HOOK2: variants seen among roughly 807,000 people sequenced by gnomAD.
HOOK2 encodes the protein hook microtubule tethering protein 2, also known as protein Hook homolog 2.
A neutral mutation model predicts 111.9 loss-of-function variants in HOOK2; 108 were observed. That is an observed-to-expected ratio of 0.96 (90% CI 0.83 to 1.13). The LOEUF (loss-of-function observed/expected upper bound fraction) is 1.13, where lower values mean the gene tolerates loss of function less well. Among genes scored for constraint, HOOK2 ranks in the 50% most tolerant of loss-of-function variants. The pLI is 0.00. For synonymous variants in HOOK2, 405 were observed against 394.3 expected (o/e 1.03, Z -0.32); for missense variants, 978 against 951.3 (o/e 1.03, Z -0.37).
chr19:12,787,758 T>TA (rs1434428536), intron 3 of HOOK2, among the ~76,000 whole-genome samples: 3 of 151,688 alleles, frequency 2.0e-5, no homozygotes, highest in Non-Finnish European at 4.4e-5. Context: ...AGGTTCTCTT[T>TA]AAAAAAACAA....
At position 12,772,597 on chromosome 19, in the gene HOOK2, G is replaced by A; in HGVS notation, c.456+16C>T. On this transcript the variant is annotated intron_variant, in intron 6 of 22. Transcript: ENST00000397668. ...TCCTGACATTTTCCAATTGCACACT[G>A]AGTGCCCCCACCCACCTCTTGGATG... 4 of 1,613,282 alleles carry A rather than the reference G, an allele frequency of 2.5e-6. No homozygotes were observed. The South Asian group carries it at 3.3e-5, about 13-fold the overall frequency.
chr19:12,763,773 C>A lies in HOOK2; in HGVS notation c.1833G>T (p.Met611Ile). ...GCCGCTGCTTGGGTTCCATGGTCTG[C>A]ATGACCTACAGGTTGAGGAAGTCAT... ...RRYVDKARMV[M>I]QTMEPKQRPA... The change falls in exon 21 of 23, where the codon ATG becomes ATT. Residue 611 changes from methionine (M) to isoleucine (I), a missense_variant. Coordinates refer to ENST00000397668, the MANE Select transcript of HOOK2 (RefSeq NM_013312.3). The A allele has an allele frequency of 6.2e-7, 1 of 1,613,762 alleles. No individual in the cohort carries two copies. The highest frequency in any genetic ancestry group is 8.5e-7 in the Non-Finnish European group (1 of 1,179,684).
At chr19:12,779,635 C>T (rs535998529), upstream of HOOK2, among the ~76,000 whole-genome samples, 1 of 152,260 alleles carries the variant, frequency 6.6e-6, no homozygotes, top group African/African-American at 2.4e-5. Flanking sequence ...GGATTTCAGG[C>T]GTGAGCCACG....
chr19:12,764,597 G>A (rs1968094857), intron 20 of HOOK2: 2 of 577,578 alleles, frequency 3.5e-6, no homozygotes, highest in East Asian at 2.9e-5. Context: ...CAAAGTGCTG[G>A]GATTACAGCC....
chr19:12,776,904 T>C (rs1190274516), upstream of HOOK2, among the ~76,000 whole-genome samples: 1 of 151,264 alleles, frequency 6.6e-6, no homozygotes, highest in Non-Finnish European at 1.5e-5. Flanking sequence ...CACGTCTGTA[T>C]CCCAGCACTT....
At chr19:12,787,743 A>G (rs1968671245) in intron 3 of HOOK2, among the ~76,000 whole-genome samples, 1 of 152,066 alleles carries the variant, frequency 6.6e-6, no homozygotes, top group Non-Finnish European at 1.5e-5. Context: ...TGTTTGGCCA[A>G]AGTGAGGTTC....
chr19:12,777,114 G>A (rs896599499), upstream of HOOK2, among the ~76,000 whole-genome samples: 1 of 151,334 alleles, frequency 6.6e-6, no homozygotes, highest in Admixed American at 6.6e-5. Flanking sequence ...CCGAGATCGC[G>A]CCACTGCACT....
In HOOK2 at chr19:12,767,807, T is replaced by C; in HGVS notation, c.1303+9A>G. The C allele has an allele frequency of 6.2e-7, 1 of 1,600,186 alleles. No individual in the cohort carries two copies. Among genetic ancestry groups the C allele is most frequent in the Non-Finnish European group, 8.5e-7 (1 of 1,179,400 alleles). ...ACAGGTAAGACCCCGGGATGGGGCT[T>C]CATCTCACCGGCCTGGGTCAACCCC... On this transcript the variant is annotated intron_variant, in intron 13 of 22. Transcript: ENST00000397668.
rs747882776 is a variant in HOOK2, at chr19:12,774,689, C to T, written c.184G>A (p.Gly62Ser). ...AWLQGISEDP[G>S]PNWKLKVSNL... ...GTCACCTTCAGCTTCCAGTTGGGAC[C>T]TGGATCTTCCGAGATGCCCTGGAGC... The change falls in exon 3 of 23, where the codon GGT (glycine) becomes AGT (serine). Residue 62 changes from glycine to serine, a missense_variant. Around this residue, in one of 5 missense-constraint regions of HOOK2, gnomAD observed 301 missense variants for 286.1 expected, o/e 1.05. Transcript: ENST00000397668. 20 of 1,614,034 alleles carry T rather than the reference C, an allele frequency of 1.2e-5. No individual in the cohort carries two copies. The South Asian group carries it at 2.2e-4, about 18-fold the overall frequency.
upstream of HOOK2, among the ~76,000 whole-genome samples, chr19:12,779,944 G>C (rs748575824): frequency 7.9e-5 from 12 of 152,116 alleles, no homozygotes; most frequent in Non-Finnish European, 1.3e-4. Context: ...GAGGTCAGGG[G>C]TTCAAGACCA....
At chr19:12,777,163 TAAATAAAATA>T (rs140327690), upstream of HOOK2, among the ~76,000 whole-genome samples, 28 of 141,350 alleles carry the variant, frequency 2.0e-4, no homozygotes, top group Non-Finnish European at 2.6e-4. Flanking sequence ...TCAAAAAAAA[TAAATAAAATA>T]AAATAAAATA....
rs772982492 is a variant in HOOK2, at chr19:12,771,264, C to G, written c.656G>C (p.Arg219Pro). ...GCCTTCAGGCCGGCCCATCCGCTCCCGCAGCCCTGCATTCTCTTGCGCCAG... is the reference window on the plus strand; with the variant it reads ...GCCTTCAGGCCGGCCCATCCGCTCCGGCAGCCCTGCATTCTCTTGCGCCAG... Reference protein sequence around the residue: ...QSLAQENAGLRERMGRPEGEG... With the variant: ...QSLAQENAGLPERMGRPEGEG... The change falls in exon 9 of 23, where the codon CGG becomes CCG. Residue 219 changes from arginine (R) to proline (P), a missense_variant. By Grantham distance (103) the Arg-to-Pro change is moderately radical. Transcript: ENST00000397668. 3 of 1,605,744 alleles carry G rather than the reference C, an allele frequency of 1.9e-6. No individual in the cohort carries two copies. Among genetic ancestry groups the G allele is most frequent in the South Asian group, 1.1e-5 (1 of 89,676 alleles).
At chr19:12,772,467 G>T in intron 6 of HOOK2, 146 bp downstream of exon 6, 1 of 1,007,290 alleles carries the variant, frequency 9.9e-7, no homozygotes, top group East Asian at 2.4e-5. Flanking sequence ...GGAGCTGGCA[G>T]ACACATGAGA....
intron 18 of HOOK2, 187 bp downstream of exon 18, chr19:12,765,503 T>C (rs1238734791): frequency 2.6e-6 from 2 of 755,824 alleles, no homozygotes; most frequent in East Asian, 5.1e-5. Flanking sequence ...ATCCCAGCAC[T>C]TTGGGAGGCC....
upstream of HOOK2, chr19:12,775,663 C>G (rs1294769009): frequency 2.3e-6 from 1 of 429,836 alleles, no homozygotes; most frequent in Non-Finnish European, 3.8e-6. Flanking sequence ...CCTCCAGCCC[C>G]GCCATCTTGG....
chr19:12,789,509 G>A (rs1457445625), intron 3 of HOOK2, among the ~76,000 whole-genome samples: 1 of 152,170 alleles, frequency 6.6e-6, no homozygotes, highest in South Asian at 2.1e-4. Flanking sequence ...AACGAGAGTG[G>A]GGCCCCTGAC....
Position 12,763,688 on chromosome 19 carries a change from C to T in HOOK2, c.1918G>A (p.Val640Ile), listed in dbSNP as rs1968064173. The T allele has an allele frequency of 3.7e-6, 6 of 1,614,224 alleles. No homozygotes were observed. The highest frequency in any genetic ancestry group is 5.1e-6 in the Non-Finnish European group (6 of 1,180,030). The change falls in exon 21 of 23, where the codon GTC becomes ATC. Residue 640 changes from valine (V) to isoleucine (I), a missense_variant. Physicochemically the swap from Val to Ile is conservative, Grantham distance 29. Transcript: ENST00000397668. ...SLRTQLRERD[V>I]RIRHLEMDFE... ...CCCACCTCCAGGTGTCGGATGCGGA[C>T]ATCCCGTTCTCGGAGCTGTGTCCTC...
chr19:12,775,667 A>G, upstream of HOOK2: 1 of 391,388 alleles, frequency 2.6e-6, no homozygotes, highest in Non-Finnish European at 4.1e-6. Flanking sequence ...CAGCCCCGCC[A>G]TCTTGGATCC....
At chr19:12,776,482 C>G (rs2145783821), upstream of HOOK2, among the ~76,000 whole-genome samples, 1 of 151,354 alleles carries the variant, frequency 6.6e-6, no homozygotes, top group East Asian at 2.0e-4. Flanking sequence ...GTGTTCGAGA[C>G]CAGCCTGGCC....
Sources: allele counts gnomAD v4.1 joint callset (sites outside exome capture counted in the v4.1 genomes callset), GRCh38; gene constraint gnomAD v4.1.1; regional missense constraint gnomAD v4.1.1; transcripts MANE v1.5; gene names NCBI Gene and HGNC (gene_info 2026-07-23, HGNC 2026-07-21).